The following APBB1IP variants were observed in gnomAD, a reference collection of about 807,000 sequenced individuals.
APBB1IP encodes amyloid beta precursor protein binding family B member 1 interacting protein.
In APBB1IP, 27 loss-of-function variants were observed where a neutral mutation model predicts 64.9. That is an observed-to-expected ratio of 0.42 (90% confidence interval 0.31 to 0.57). The LOEUF is 0.57. Ranked by LOEUF, APBB1IP falls within the 20% of genes least tolerant of loss-of-function variation. APBB1IP has a pLI of 0.20. For missense variants in APBB1IP, 812 were observed against 845.5 expected, an observed-to-expected ratio of 0.96 and a Z score of 0.49; for synonymous variants, 392 against 331.0, an observed-to-expected ratio of 1.18 and a Z score of -2.00.
chr10:26,440,236 T>C (rs1835325603), intron 2 of APBB1IP, among the ~76,000 whole-genome samples: 1 of 152,190 alleles, frequency 6.6e-6, no homozygotes, highest in African/African-American at 2.4e-5. Context: ...AACTTCTCCC[T>C]GGACTTCAGA....
chr10:26,478,124 A>G (rs1835796169), intron 2 of APBB1IP, among the ~76,000 whole-genome samples: 1 of 152,206 alleles, frequency 6.6e-6, no homozygotes, highest in African/African-American at 2.4e-5. Flanking sequence ...GAGGTGGTAG[A>G]AACAGTTGAT....
intron 2 of APBB1IP, among the ~76,000 whole-genome samples, chr10:26,483,302 T>G (rs1050931962): frequency 2.6e-5 from 4 of 152,148 alleles, no homozygotes; most frequent in Admixed American, 1.3e-4. Flanking sequence ...ATGACTGACT[T>G]ACTTTGTGTA....
chr10:26,447,806 T>G (rs1201754488), intron 2 of APBB1IP, among the ~76,000 whole-genome samples: 2 of 152,104 alleles, frequency 1.3e-5, no homozygotes, highest in Non-Finnish European at 2.9e-5. Context: ...TCCCATCCCA[T>G]TTTTTTATTT....
intron 2 of APBB1IP, among the ~76,000 whole-genome samples, chr10:26,456,466 T>A (rs1835526499): frequency 1.3e-5 from 2 of 152,168 alleles, no homozygotes; most frequent in Admixed American, 6.5e-5. Flanking sequence ...AAAAGCCACC[T>A]TATGGAGTTT....
intron 11 of APBB1IP, among the ~76,000 whole-genome samples, chr10:26,551,933 GGATGGATGGA>G: frequency 7.2e-6 from 1 of 138,216 alleles, no homozygotes; most frequent in South Asian, 2.5e-4. Context: ...GTGGGTGGAT[GGATGGATGGA>G]TGGATGGATG....
Position 26,487,197 on chromosome 10 carries a change from GTT to G in APBB1IP, c.1-5118_1-5117del, listed in dbSNP as rs34387177. Among the ~76,000 whole-genome samples the G allele has an allele frequency of 7.8e-3, 1,040 of 134,142 alleles. 13 individuals are homozygous for G. Among genetic ancestry groups the G allele is most frequent in the African/African-American group, 0.026 (989 of 37,818 alleles). 88.0% of individuals were successfully genotyped at this position (134,142 alleles called of 152,430 possible). On this transcript the variant is annotated intron_variant, in intron 2 of 14. Transcript: ENST00000376236. ...AGACTTTTAGCTGTCAGGGCTGGGT[GTT>G]TTTTTTTTTTTCCTCTCTCTCTCTC... is the stretch of plus-strand genomic sequence containing the variant.
intron 8 of APBB1IP, among the ~76,000 whole-genome samples, chr10:26,523,510 A>G (rs918007026): frequency 1.3e-5 from 2 of 152,166 alleles, no homozygotes; most frequent in African/African-American, 4.8e-5. Context: ...TTTCCTTTCT[A>G]ACATGCAAAA....
intron 7 of APBB1IP, 129 bp downstream of exon 7, chr10:26,512,035 G>T: frequency 2.7e-6 from 3 of 1,106,778 alleles, no homozygotes; most frequent in Non-Finnish European, 3.7e-6. Context: ...TCACTATGCT[G>T]CCCAGGCTGA....
At chr10:26,548,941 T>C (rs140409974) in intron 11 of APBB1IP, among the ~76,000 whole-genome samples, 7 of 152,220 alleles carry the variant, frequency 4.6e-5, no homozygotes, top group Admixed American at 1.3e-4. Flanking sequence ...AAAAAGCTTC[T>C]AATTTTTTCC....
chr10:26,540,760 T>G (rs973556546), intron 10 of APBB1IP, among the ~76,000 whole-genome samples: 9 of 152,330 alleles, frequency 5.9e-5, no homozygotes, highest in Admixed American at 5.9e-4. Flanking sequence ...GATTACAGGC[T>G]GCAGTCTTCA....
At chr10:26,535,832 G>C (rs80045817) in intron 9 of APBB1IP, among the ~76,000 whole-genome samples, 177 of 152,224 alleles carry the variant, frequency 1.2e-3, no homozygotes, top group African/African-American at 3.9e-3. Context: ...AATGGCCCAC[G>C]GTCACAGAGT....
chr10:26,442,079 GAAGAGGAGATGTAACTAGATGT>G (rs1233895143), intron 2 of APBB1IP, among the ~76,000 whole-genome samples: 1 of 152,150 alleles, frequency 6.6e-6, no homozygotes, highest in Non-Finnish European at 1.5e-5. Context: ...TTATAGTCTA[GAAGAGGAGATGTAACTAGATGT>G]AAGAGGAGAT....
intron 7 of APBB1IP, among the ~76,000 whole-genome samples, chr10:26,513,050 T>C (rs1187827330): frequency 2.0e-5 from 3 of 152,244 alleles, no homozygotes; most frequent in African/African-American, 7.2e-5. Flanking sequence ...CACCAGTCAT[T>C]GACTGATTGT....
At chr10:26,457,059 G>A (rs2132403514) in intron 2 of APBB1IP, among the ~76,000 whole-genome samples, 1 of 152,064 alleles carries the variant, frequency 6.6e-6, no homozygotes, top group East Asian at 1.9e-4. Flanking sequence ...TGGTTTTTTG[G>A]GTGTTTGTTT....
intron 2 of APBB1IP, among the ~76,000 whole-genome samples, chr10:26,443,703 T>TA (rs58004519): frequency 3.3e-5 from 5 of 150,348 alleles, no homozygotes; most frequent in African/African-American, 1.2e-4. Flanking sequence ...CCCAGCTAAT[T>TA]AAAAAAAAAA....
chr10:26,441,733 G>C (rs1168973398), intron 2 of APBB1IP, among the ~76,000 whole-genome samples: 3 of 152,150 alleles, frequency 2.0e-5, no homozygotes, highest in Non-Finnish European at 4.4e-5. Flanking sequence ...TCTGGAGCTT[G>C]ATTCCGTGAC....
At chr10:26,561,069 T>TG (rs977143550) in intron 13 of APBB1IP, among the ~76,000 whole-genome samples, 1 of 118,158 alleles carries the variant, frequency 8.5e-6, no homozygotes, top group Non-Finnish European at 1.8e-5. Context: ...TCTTTCTTTT[T>TG]TTTTTTTTTT....
In APBB1IP at chr10:26,456,234, T is replaced by C. The variant is rs115389763; in HGVS notation, c.-1+17381T>C. 5.9e-3 allele frequency among the ~76,000 whole-genome samples: 895 copies of C among 152,336 alleles called. 7 individuals are homozygous for C. The highest frequency in any genetic ancestry group is 0.02 in the African/African-American group (839 of 41,568). Reference sequence around the variant, plus strand: ...CACTTTAAATAGGTGGATTGTTTCATTTCACCTGCATGCAAGGAGCTGCTC... The same window carrying C: ...CACTTTAAATAGGTGGATTGTTTCACTTCACCTGCATGCAAGGAGCTGCTC... On this transcript the variant is annotated intron_variant, in intron 2 of 14. Coordinates refer to ENST00000376236, the MANE Select transcript of APBB1IP (RefSeq NM_019043.4).
rs1328885729 is a variant in APBB1IP, at chr10:26,510,746, A to T, written c.532-1001A>T. Among the ~76,000 whole-genome samples the T allele has an allele frequency of 7.3e-5, 11 of 151,224 alleles. No homozygotes were observed. In the East Asian group the frequency reaches 7.8e-4, roughly 11 times the overall value. ...GCAAGACCCTGTCTCACACACACACACACACACACACACACACACACACAC... is the reference window on the plus strand; with the variant it reads ...GCAAGACCCTGTCTCACACACACACTCACACACACACACACACACACACAC... On this transcript the variant is annotated intron_variant, in intron 6 of 14. Transcript: ENST00000376236.
Sources: gnomAD v4.1 joint callset for allele counts (sites outside exome capture counted in the v4.1 genomes callset) on GRCh38, gnomAD v4.1.1 for gene constraint, MANE v1.5 for transcripts, NCBI Gene and HGNC (gene_info 2026-07-23, HGNC 2026-07-21) for gene names.